CNTD1: variants seen among roughly 807,000 people sequenced by gnomAD.
CNTD1 encodes the protein cyclin N-terminal domain containing 1, also known as cyclin N-terminal domain-containing protein 1.
A neutral mutation model predicts 36.3 loss-of-function variants in CNTD1; 17 were observed. The ratio of observed to expected loss-of-function variants is 0.47; its 90% CI spans 0.32 to 0.70. CNTD1 has a LOEUF of 0.70. CNTD1 is among the 30% of genes least tolerant of loss of function. CNTD1 has a pLI of 0.03. For synonymous variants in CNTD1, 128 were observed against 153.3 expected (o/e 0.83, Z 1.22); for missense variants, 338 against 386.1 (o/e 0.88, Z 1.04).
intron 1 of CNTD1, among the ~76,000 whole-genome samples, chr17:42,800,449 T>C (rs1271346635): frequency 6.6e-6 from 1 of 152,246 alleles, no homozygotes; most frequent in Non-Finnish European, 1.5e-5. Context: ...GGCCAGTGCA[T>C]GTGGAAGAAT....
chr17:42,803,557 A>T, intron 1 of CNTD1, 63 bp from the exon 2 acceptor site: 1 of 1,299,532 alleles, frequency 7.7e-7, no homozygotes, highest in African/African-American at 1.5e-5. Context: ...CACAATGCCA[A>T]GAGTTCACAG....
Position 42,809,745 on chromosome 17 carries a change from C to A in CNTD1, c.*210C>A. 1.9e-6 allele frequency: 1 copy of A among 521,022 alleles called. No individual in the cohort carries two copies. The highest frequency in any genetic ancestry group is 3.4e-6 in the Non-Finnish European group (1 of 294,824). 32.3% of individuals were successfully genotyped at this position (521,022 alleles called of 1,614,324 possible). Reference sequence around the variant, plus strand: ...ATATCAGCCTGAAAATGTTAAAAAGCTAGGTGGAGACAGATTAGTTGTTTC... The same window carrying A: ...ATATCAGCCTGAAAATGTTAAAAAGATAGGTGGAGACAGATTAGTTGTTTC... On this transcript the variant is annotated 3_prime_UTR_variant, in exon 7 of 7. Transcript: ENST00000588408.
chr17:42,805,054 C>CG (rs931979171), intron 3 of CNTD1, among the ~76,000 whole-genome samples: 1 of 152,090 alleles, frequency 6.6e-6, no homozygotes, highest in African/African-American at 2.4e-5. Context: ...TTTCCTCCCC[C>CG]CTTGGACTCA....
In CNTD1 at chr17:42,799,223, G is replaced by A. The variant is rs1273658170; in HGVS notation, c.156G>A (p.Glu52=). The A allele has an allele frequency of 6.2e-7, 1 of 1,613,522 alleles. No homozygotes were observed. The highest frequency in any genetic ancestry group is 1.1e-5 in the South Asian group (1 of 91,058). Residue 52 remains glutamate (E), a synonymous_variant, in exon 1 of 7, where the codon GAG becomes GAA. Transcript: ENST00000588408. ...EASGRLGRFR[E]PQIVEFVFLL... ...CGGGGCGGCTGGGCCGCTTCAGGGA[G>A]CCCCAGATCGTGGGTGCGGCTGCAG...
Position 42,811,154 on chromosome 17 carries a change from G to A in CNTD1, c.*1619G>A. Reference sequence around the variant, plus strand: ...CAGGGACAGGACACACACCCAAAGAGAAGAGAAGCCTGGAGTAGGGGTGAG... The same window carrying A: ...CAGGGACAGGACACACACCCAAAGAAAAGAGAAGCCTGGAGTAGGGGTGAG... On this transcript the variant is annotated 3_prime_UTR_variant, in exon 7 of 7. Coordinates refer to ENST00000588408, the MANE Select transcript of CNTD1 (RefSeq NM_173478.3). 1 of 418,130 alleles carries A rather than the reference G, an allele frequency of 2.4e-6. No individual in the cohort carries two copies. Among genetic ancestry groups the A allele is most frequent in the Non-Finnish European group, 4.2e-6 (1 of 240,686 alleles). The allele number at this position is 418,130 out of a possible 1,614,324, so 25.9% of individuals were successfully genotyped here. A position where few individuals can be genotyped will look rare whatever the true frequency, so the allele number is the denominator to read the frequency against.
chr17:42,805,773 C>A lies in CNTD1; in HGVS notation c.469C>A (p.His157Asn). 1 of 1,613,954 alleles carries A rather than the reference C, an allele frequency of 6.2e-7. No homozygotes were observed. Among genetic ancestry groups the A allele is most frequent in the Non-Finnish European group, 8.5e-7 (1 of 1,179,856 alleles). The change falls in exon 4 of 7, where the codon CAC becomes AAC. Residue 157 changes from histidine (H) to asparagine (N), a missense_variant. Transcript: ENST00000588408. ...LNFLQALGYL[H>N]TKEELLESEL... ...TTTCCTCCAGGCTCTAGGCTATCTA[C>A]ACACTAAAGAAGAACTGCTGGAATC...
At chr17:42,800,275 T>C (rs2054757891) in intron 1 of CNTD1, among the ~76,000 whole-genome samples, 1 of 151,936 alleles carries the variant, frequency 6.6e-6, no homozygotes, top group Non-Finnish European at 1.5e-5. Context: ...ATTCAGGGGA[T>C]GGCCCAGGCA....
chr17:42,808,856 T>G (rs1395206446), intron 6 of CNTD1, among the ~76,000 whole-genome samples: 3 of 152,180 alleles, frequency 2.0e-5, no homozygotes, highest in Non-Finnish European at 4.4e-5. Flanking sequence ...GAGACAAGCC[T>G]GGGCAACACA....
chr17:42,804,463 G>A, intron 3 of CNTD1, 67 bp downstream of exon 3: 1 of 1,354,002 alleles, frequency 7.4e-7, no homozygotes, highest in Non-Finnish European at 1.0e-6. Context: ...TACAAAGGGG[G>A]GCTGTGATGA....
At chr17:42,799,435 G>C (rs1346605800) in intron 1 of CNTD1, among the ~76,000 whole-genome samples, 199 bp downstream of exon 1, 1 of 152,098 alleles carries the variant, frequency 6.6e-6, no homozygotes, top group Non-Finnish European at 1.5e-5. Flanking sequence ...TGGAATACTT[G>C]AGTGGCACCG....
At chr17:42,807,135 C>G (rs191458606) in intron 5 of CNTD1, among the ~76,000 whole-genome samples, 1 of 152,014 alleles carries the variant, frequency 6.6e-6, no homozygotes, top group Admixed American at 6.6e-5. Flanking sequence ...AAAAAACAGT[C>G]GCCGGCGCGG....
intron 5 of CNTD1, 118 bp downstream of exon 5, chr17:42,806,936 G>A: frequency 1.1e-6 from 1 of 893,228 alleles, no homozygotes; most frequent in Non-Finnish European, 1.7e-6. Context: ...AACCTACTCA[G>A]GCTACCTGGT....
intron 6 of CNTD1, among the ~76,000 whole-genome samples, chr17:42,808,683 A>ATGAT (rs1240596067): frequency 3.9e-5 from 6 of 152,016 alleles, no homozygotes; most frequent in Non-Finnish European, 7.4e-5. Context: ...GCAGTGAGCC[A>ATGAT]TGATTGCGCC....
intron 6 of CNTD1, among the ~76,000 whole-genome samples, chr17:42,808,553 T>TAAAAAA (rs775660371): frequency 1.0e-5 from 1 of 99,916 alleles, no homozygotes; most frequent in East Asian, 2.7e-4. Flanking sequence ...CCCATCTCAT[T>TAAAAAA]AAAAAAAAAA....
intron 1 of CNTD1, among the ~76,000 whole-genome samples, chr17:42,802,317 G>A (rs1284016502): frequency 6.6e-6 from 1 of 152,154 alleles, no homozygotes; most frequent in Non-Finnish European, 1.5e-5. Context: ...TGTTATCGAG[G>A]AGGTGGGGCC....
chr17:42,799,349 C>A, intron 1 of CNTD1, 113 bp downstream of exon 1: 2 of 1,213,628 alleles, frequency 1.6e-6, no homozygotes, highest in Non-Finnish European at 2.3e-6. Context: ...TTTGCTAACA[C>A]CTCTCTGTGG....
intron 1 of CNTD1, among the ~76,000 whole-genome samples, chr17:42,803,226 C>T (rs1217307403): frequency 1.3e-5 from 2 of 152,208 alleles, no homozygotes; most frequent in Admixed American, 1.3e-4. Flanking sequence ...CCACAGAAAA[C>T]AGAATATAGG....
chr17:42,807,456 A>C (rs1169449289), intron 5 of CNTD1, among the ~76,000 whole-genome samples: 1 of 152,150 alleles, frequency 6.6e-6, no homozygotes, highest in Admixed American at 6.6e-5. Context: ...CAAGGTTGCA[A>C]CTTGGACAAG....
chr17:42,804,930 G>A (rs576628012), intron 3 of CNTD1, among the ~76,000 whole-genome samples: 5 of 151,828 alleles, frequency 3.3e-5, no homozygotes, highest in Non-Finnish European at 7.4e-5. Context: ...ACACACACAC[G>A]CACACACATG....
Sources: allele counts gnomAD v4.1 joint callset (sites outside exome capture counted in the v4.1 genomes callset), GRCh38; gene constraint gnomAD v4.1.1; transcripts MANE v1.5; gene names NCBI Gene and HGNC (gene_info 2026-07-23, HGNC 2026-07-21).